ADAR: variants seen among roughly 807,000 people sequenced by gnomAD.
ADAR encodes the protein double-stranded RNA-specific adenosine deaminase.
ADAR carries 41 observed loss-of-function variants against 113.2 expected under a neutral mutation model. The observed-to-expected ratio is 0.36, with a 90% CI of 0.28 to 0.47. The LOEUF (loss-of-function observed/expected upper bound fraction) is 0.47. Ranked by LOEUF, ADAR falls within the 20% of genes least tolerant of loss-of-function variation. The pLI, the probability that ADAR is intolerant of heterozygous loss-of-function variation, is 1.00. For synonymous variants in ADAR, 605 were observed against 572.6 expected (o/e 1.06, Z -0.81); for missense variants, 1,242 against 1,540.9 (o/e 0.81, Z 3.25).
At chr1:154,623,440 C>T (rs553636837) in intron 1 of ADAR, among the ~76,000 whole-genome samples, 41 of 152,282 alleles carry the variant, frequency 2.7e-4, no homozygotes, top group African/African-American at 9.6e-4. Context: ...TAAGAGCACA[C>T]ATGTAAGCAC....
At chr1:154,587,247 T>A (rs1423794736) in intron 11 of ADAR, among the ~76,000 whole-genome samples, 1 of 152,258 alleles carries the variant, frequency 6.6e-6, no homozygotes, top group Admixed American at 6.5e-5. Context: ...ATACAATATG[T>A]GATCTTTTGT....
At chr1:154,600,871 C>A in intron 2 of ADAR, 170 bp downstream of exon 2, 1 of 943,148 alleles carries the variant, frequency 1.1e-6, no homozygotes, top group Non-Finnish European at 1.7e-6. Flanking sequence ...ATATTCCCTG[C>A]TCAATATCTG....
chr1:154,586,924 C>T (rs905393650), intron 11 of ADAR, among the ~76,000 whole-genome samples: 1 of 151,772 alleles, frequency 6.6e-6, no homozygotes. Context: ...CTTGTATATG[C>T]AGTGCAGTGG....
chr1:154,588,496 C>A (rs1019892363), intron 10 of ADAR, 55 bp downstream of exon 10: 4 of 1,608,196 alleles, frequency 2.5e-6, no homozygotes, highest in Non-Finnish European at 3.4e-6. Flanking sequence ...ATTTGGATAC[C>A]CAATTCTAAC....
At chr1:154,609,612 G>T (rs1389160262), upstream of ADAR, among the ~76,000 whole-genome samples, 2 of 152,178 alleles carry the variant, frequency 1.3e-5, no homozygotes. Context: ...CCCACAGCAG[G>T]TAGGGGGAGA....
At chr1:154,625,691 TC>T (rs1406516639) in intron 1 of ADAR, among the ~76,000 whole-genome samples, 1 of 150,270 alleles carries the variant, frequency 6.7e-6, no homozygotes. Flanking sequence ...AAACCCCATC[TC>T]TACTAAAAAT....
At position 154,590,332 on chromosome 1, in the gene ADAR, T is replaced by C. The variant is rs552396475; in HGVS notation, c.2348A>G (p.Glu783Gly). The change falls in exon 7 of 15, where the codon GAA (glutamate) becomes GGA (glycine). Residue 783 changes from glutamate (E) to glycine (G), a missense_variant. This residue lies in a region of ADAR where 780 missense variants were observed against 1,057.9 expected (regional missense o/e 0.74). Coordinates refer to ENST00000368474, the MANE Select transcript of ADAR (RefSeq NM_001111.5). ...GACACGGAGAGCCGCATCTGCTGCT[T>C]CCTGCTTGCCTTGCTTCTTGCTGTG... ...CAHSKKQGKQ[E>G]AADAALRVLI... 1.2e-6 allele frequency: 2 copies of C among 1,614,108 alleles called. No homozygotes were observed. The highest frequency in any genetic ancestry group is 1.1e-5 in the South Asian group (1 of 91,084).
chr1:154,598,407 C>T lies in ADAR; in HGVS notation c.1780G>A (p.Glu594Lys), dbSNP rs1203572202. The T allele has an allele frequency of 1.3e-5, 21 of 1,614,182 alleles. No homozygotes were observed. The highest frequency in any genetic ancestry group is 1.4e-5 in the Non-Finnish European group (17 of 1,180,024). ...GATGGCAGGAGGACACCTACCTTCT[C>T]TGATTCTTTCTCTGTGGAATAGTGG... ...SSHYSTEKES[E>K]KTAESQTPTP... Residue 594 changes from glutamate (E) to lysine (K), a missense_variant, in exon 3 of 15, where the codon GAG becomes AAG. Physicochemically the swap from Glu to Lys is moderately conservative, Grantham distance 56 (BLOSUM62 1). Coordinates refer to ENST00000368474, the MANE Select transcript of ADAR (RefSeq NM_001111.5).
chr1:154,586,933 G>A (rs1237216517), intron 11 of ADAR, among the ~76,000 whole-genome samples: 1 of 152,000 alleles, frequency 6.6e-6, no homozygotes, highest in African/African-American at 2.4e-5. Context: ...GCAGTGCAGT[G>A]GGAAACCACT....
In ADAR at chr1:154,602,126, G is replaced by C; in HGVS notation, c.516C>G (p.Ile172Met). ...TTGCCAGGGAGTATAAAACTCGATT[G>C]ATTTCTTTCTTCGGAGTCCCAAGTT... ...SGKLGTPKKE[I>M]NRVLYSLAKK... The change falls in exon 2 of 15, where the codon ATC (isoleucine) becomes ATG (methionine). Residue 172 changes from isoleucine (I) to methionine (M), a missense_variant. Physicochemically the swap from Ile to Met is conservative, Grantham distance 10 (BLOSUM62 1). Around this residue, in one of 2 missense-constraint regions of ADAR, gnomAD observed 462 missense variants for 483.1 expected, o/e 0.96. Coordinates refer to ENST00000368474, the MANE Select transcript of ADAR (RefSeq NM_001111.5). 6.2e-7 allele frequency: 1 copy of C among 1,614,218 alleles called. No homozygotes were observed. The highest frequency in any genetic ancestry group is 1.3e-5 in the African/African-American group (1 of 75,046).
At position 154,602,377 on chromosome 1, in the gene ADAR, C is replaced by A; in HGVS notation, c.265G>T (p.Asp89Tyr). 4 of 1,602,770 alleles carry A rather than the reference C, an allele frequency of 2.5e-6. No homozygotes were observed. The highest frequency in any genetic ancestry group is 3.4e-6 in the Non-Finnish European group (4 of 1,173,528). ...LASSTRGRQV[D>Y]IRGVPRGVHL... Reference sequence around the variant, plus strand: ...ACGCCCCTGGGGACACCCCTGATGTCCACTTGCCTGCCTCTGGTACTGGAG... The same window carrying A: ...ACGCCCCTGGGGACACCCCTGATGTACACTTGCCTGCCTCTGGTACTGGAG... Residue 89 changes from aspartate to tyrosine, a missense_variant, in exon 2 of 15, where the codon GAC (aspartate) becomes TAC (tyrosine). Around this residue, in one of 2 missense-constraint regions of ADAR, gnomAD observed 462 missense variants for 483.1 expected, o/e 0.96. Coordinates refer to ENST00000368474, the MANE Select transcript of ADAR (RefSeq NM_001111.5).
In ADAR at chr1:154,589,814, C is replaced by T. The variant is rs769985255; in HGVS notation, c.2611G>A (p.Ala871Thr). 31 of 1,613,888 alleles carry T rather than the reference C, an allele frequency of 1.9e-5. No homozygotes were observed. The highest frequency in any genetic ancestry group is 1.1e-4 in the African/African-American group (8 of 74,866). Reference sequence around the variant, plus strand: ...TCAGAGTCTTTTTTCATAATGATGGCGGCCAGAATCTTGCGGCCGAGCAAG... The same window carrying T: ...TCAGAGTCTTTTTTCATAATGATGGTGGCCAGAATCTTGCGGCCGAGCAAG... ...PSLLGRKILA[A>T]IIMKKDSEDM... is the part of the protein sequence containing the mutation. Residue 871 changes from alanine (A) to threonine (T), a missense_variant, in exon 8 of 15, where the codon GCC (alanine) becomes ACC (threonine). Around this residue, in one of 2 missense-constraint regions of ADAR, gnomAD observed 780 missense variants for 1,057.9 expected, o/e 0.74. Transcript: ENST00000368474.
intron 6 of ADAR, among the ~76,000 whole-genome samples, chr1:154,592,018 CAA>C (rs764747173): frequency 1.4e-4 from 22 of 152,134 alleles, no homozygotes; most frequent in African/African-American, 9.7e-5. Flanking sequence ...CTCTTACGTG[CAA>C]AGTTTTATAC....
chr1:154,583,046 A>C lies in ADAR; in HGVS notation c.*1760T>G, dbSNP rs1696511076. 1 of 152,266 alleles carries C rather than the reference A, an allele frequency of 6.6e-6. No homozygotes were observed. Among genetic ancestry groups the C allele is most frequent in the African/African-American group, 2.4e-5 (1 of 41,464 alleles). 9.4% of individuals were successfully genotyped at this position (152,266 alleles called of 1,614,324 possible). A position where few individuals can be genotyped will look rare whatever the true frequency, so the allele number is the denominator to read the frequency against. On this transcript the variant is annotated 3_prime_UTR_variant, in exon 15 of 15. Transcript: ENST00000368474. ...TAAAAGCAAAGATGTGAATGTCTCT[A>C]CCAGACAGAGGATGACCTAGTCAGC...
At chr1:154,616,203 T>C (rs1036097029) in intron 1 of ADAR, among the ~76,000 whole-genome samples, 15 of 152,352 alleles carry the variant, frequency 9.8e-5, no homozygotes, top group Admixed American at 9.8e-4. Flanking sequence ...CAGTGATACA[T>C]ATATGCTGCA....
intron 1 of ADAR, among the ~76,000 whole-genome samples, chr1:154,625,861 A>G (rs563286205): frequency 1.3e-5 from 2 of 152,136 alleles, no homozygotes; most frequent in East Asian, 3.9e-4. Flanking sequence ...AAAATTAGCC[A>G]GGCATGGTGG....
At position 154,601,156 on chromosome 1, in the gene ADAR, G is replaced by C; in HGVS notation, c.1486C>G (p.Leu496Val). The change falls in exon 2 of 15, where the codon CTG (leucine) becomes GTG (valine). Residue 496 changes from leucine (L) to valine (V), a missense_variant. This residue lies in a region of ADAR where 780 missense variants were observed against 1,057.9 expected (regional missense o/e 0.74). Coordinates refer to ENST00000368474, the MANE Select transcript of ADAR (RefSeq NM_001111.5). The surrounding 1 kb of genome is among the most constrained non-coding windows in gnomAD (Gnocchi z 4.7). ...GGGTTCTTCAGCTGGCACTCTGTCA[G>C]TTTCTTGTAGGGTGAACACCGTGGC... The part of the protein sequence containing the change: ...GLPRCSPYKK[L>V]TECQLKNPIS... The C allele has an allele frequency of 6.2e-7, 1 of 1,614,234 alleles. No homozygotes were observed. The highest frequency in any genetic ancestry group is 1.3e-5 in the African/African-American group (1 of 75,070).
chr1:154,603,445 C>G lies in ADAR; in HGVS notation c.16-819G>C, dbSNP rs558642196. Among the ~76,000 whole-genome samples, 6 of 152,314 alleles carry G rather than the reference C, an allele frequency of 3.9e-5. No homozygotes were observed. The East Asian group carries it at 1.2e-3, about 29-fold the overall frequency. On this transcript the variant is annotated intron_variant, in intron 1 of 14. Transcript: ENST00000368474. ...GAGACTTTTGCCCAAACCACCCAGG[C>G]TCTCCTGGATGTGTGGAGCTGGCAG...
chr1:154,610,115 G>C (rs77946232), upstream of ADAR, among the ~76,000 whole-genome samples: 1 of 152,214 alleles, frequency 6.6e-6, no homozygotes, highest in African/African-American at 2.4e-5. Context: ...TATAGCTACA[G>C]TGAGCTACTG....
Sources: allele counts gnomAD v4.1 joint callset (sites outside exome capture counted in the v4.1 genomes callset), GRCh38; gene constraint gnomAD v4.1.1; regional missense constraint gnomAD v4.1.1; non-coding constraint Gnocchi (gnomAD v3.1); transcripts MANE v1.5; gene names NCBI Gene and HGNC (gene_info 2026-07-23, HGNC 2026-07-21).